Variants in RAB5C observed in about 807,000 individuals in gnomAD.
The protein encoded by RAB5C is ras-related protein Rab-5C.
RAB5C carries 4 observed loss-of-function variants against 25.2 expected under a neutral mutation model. That is an observed-to-expected ratio of 0.16 (90% confidence interval 0.08 to 0.36). The LOEUF (loss-of-function observed/expected upper bound fraction) is 0.36, where lower values mean the gene tolerates loss of function less well. Among genes scored for constraint, RAB5C ranks in the 10% least tolerant of loss-of-function variants. RAB5C has a pLI of 1.00. For synonymous variants in RAB5C, 100 were observed against 106.4 expected (o/e 0.94, Z 0.37); for missense variants, 199 against 283.8 (o/e 0.70, Z 2.15).
chr17:42,151,423 C>T (rs1191987314), intron 1 of RAB5C, among the ~76,000 whole-genome samples: 2 of 150,814 alleles, frequency 1.3e-5, no homozygotes, highest in African/African-American at 2.4e-5. Context: ...GGCGACAGAG[C>T]GAGACTCCGA....
chr17:42,152,547 G>A (rs1191367803), intron 1 of RAB5C, among the ~76,000 whole-genome samples: 1 of 152,160 alleles, frequency 6.6e-6, no homozygotes, highest in Non-Finnish European at 1.5e-5. Context: ...GGGAGGCTGA[G>A]GTGGGTGGAT....
At chr17:42,148,243 T>C (rs890030163) in intron 1 of RAB5C, among the ~76,000 whole-genome samples, 1 of 151,368 alleles carries the variant, frequency 6.6e-6, no homozygotes, top group African/African-American at 2.4e-5. Context: ...CCGTCTCTAC[T>C]AAAAATACAA....
intron 1 of RAB5C, among the ~76,000 whole-genome samples, chr17:42,144,381 C>T (rs2079619648): frequency 6.6e-6 from 1 of 151,960 alleles, no homozygotes; most frequent in Admixed American, 6.6e-5. Context: ...CGCTTGAACC[C>T]CGGAGGTGGA....
At chr17:42,126,978 G>GT (rs775552102) in intron 4 of RAB5C, 130 bp from the exon 5 acceptor site, 12 of 550,548 alleles carry the variant, frequency 2.2e-5, no homozygotes, top group African/African-American at 7.6e-5. Flanking sequence ...ACACACAGGA[G>GT]TTTTCAGGCC....
In RAB5C at chr17:42,154,975, C is replaced by T. The variant is rs1414007044; in HGVS notation, c.-171G>A. On this transcript the variant is annotated 5_prime_UTR_variant, in exon 1 of 6. Transcript: ENST00000346213. Reference sequence around the variant, plus strand: ...CTCCCCGCCGGCGGTGTCCCAGGCTCCGGCCTCCACTTCCGCCTTTCAGCC... The same window carrying T: ...CTCCCCGCCGGCGGTGTCCCAGGCTTCGGCCTCCACTTCCGCCTTTCAGCC... 1 of 152,266 alleles carries T rather than the reference C, an allele frequency of 6.6e-6. No homozygotes were observed. The highest frequency in any genetic ancestry group is 2.4e-5 in the African/African-American group (1 of 41,466). The allele number at this position is 152,266 out of a possible 1,614,324, so 9.4% of individuals were successfully genotyped here.
rs1424788398 is a variant in RAB5C at position 42,125,721 on chromosome 17, A to G, written c.*62T>C. The G allele has an allele frequency of 3.3e-6, 4 of 1,219,854 alleles. No individual in the cohort carries two copies. Among genetic ancestry groups the G allele is most frequent in the African/African-American group, 3.0e-5 (2 of 66,994 alleles). 75.6% of individuals were successfully genotyped at this position (1,219,854 alleles called of 1,614,324 possible). On this transcript the variant is annotated 3_prime_UTR_variant, in exon 6 of 6. Transcript: ENST00000346213. ...CGAGTCGTTAAGTGCGATTGGTTAGAGTGGATTCCAGTCGGGTCATTCAGG... is the reference window on the plus strand; with the variant it reads ...CGAGTCGTTAAGTGCGATTGGTTAGGGTGGATTCCAGTCGGGTCATTCAGG...
At chr17:42,148,752 G>A (rs771251769) in intron 1 of RAB5C, among the ~76,000 whole-genome samples, 6 of 152,218 alleles carry the variant, frequency 3.9e-5, no homozygotes, top group Admixed American at 1.3e-4. Context: ...TTCCAGGCAC[G>A]TGAGGTGCAG....
At chr17:42,140,530 T>A (rs1183942884) in intron 1 of RAB5C, among the ~76,000 whole-genome samples, 25 of 119,300 alleles carry the variant, frequency 2.1e-4, no homozygotes, top group African/African-American at 8.2e-4. Context: ...TTTTTTTTTT[T>A]TTTTTTTTTT....
intron 1 of RAB5C, among the ~76,000 whole-genome samples, chr17:42,143,893 C>G (rs1047409689): frequency 3.3e-5 from 5 of 151,954 alleles, no homozygotes; most frequent in Non-Finnish European, 7.4e-5. Context: ...TCAAACCATT[C>G]TCCTGCCTCA....
intron 1 of RAB5C, among the ~76,000 whole-genome samples, chr17:42,147,290 G>A (rs1176060373): frequency 1.3e-5 from 2 of 152,178 alleles, no homozygotes; most frequent in African/African-American, 4.8e-5. Context: ...TCATACCACT[G>A]GTCTGAACAG....
At position 42,128,663 on chromosome 17, in the gene RAB5C, C is replaced by A; in HGVS notation, c.304G>T (p.Asp102Tyr). 1 of 1,496,452 alleles carries A rather than the reference C, an allele frequency of 6.7e-7. No individual in the cohort carries two copies. 92.7% of individuals were successfully genotyped at this position (1,496,452 alleles called of 1,614,324 possible). A position where few individuals can be genotyped will look rare whatever the true frequency, so the allele number is the denominator to read the frequency against. The change falls in exon 3 of 6, where the codon GAC becomes TAC. Residue 102 changes from aspartate (D) to tyrosine (Y), a missense_variant. Physicochemically the swap from Asp to Tyr is radical, Grantham distance 160. Around this residue, in one of 3 missense-constraint regions of RAB5C, gnomAD observed 154 missense variants for 199.6 expected, o/e 0.77. Transcript: ENST00000346213. The part of the protein sequence containing the change: ...RGAQAAIVVY[D>Y]ITNTDTFARA... ...GAAATCTTTACTGTGTTGGTGATGT[C>A]ATAGACCACGATGGCAGCCTGGGCC...
chr17:42,125,780 G>C lies in RAB5C; in HGVS notation c.*3C>G. On this transcript the variant is annotated 3_prime_UTR_variant, in exon 6 of 6. Transcript: ENST00000346213. ...GCGGGGGCAGCGGGCAGGCAAGGGG[G>C]GCTCAGTTGCTGCAGCACTGGCTCC... is the stretch of plus-strand genomic sequence containing the variant. 1.3e-6 allele frequency: 2 copies of C among 1,595,332 alleles called. No individual in the cohort carries two copies. Among genetic ancestry groups the C allele is most frequent in the South Asian group, 2.3e-5 (2 of 88,544 alleles).
At position 42,154,934 on chromosome 17, in the gene RAB5C, G is replaced by A. The variant is rs2079697977; in HGVS notation, c.-130C>T. ...CGGCGTTACTTGGGGCCGGGGCTCG[G>A]ACGGGATCCGCTTCTCTCCCCGCCG... is the stretch of plus-strand genomic sequence containing the variant. On this transcript the variant is annotated 5_prime_UTR_variant, in exon 1 of 6. Coordinates refer to ENST00000346213, the MANE Select transcript of RAB5C (RefSeq NM_004583.4). 6.6e-6 allele frequency: 1 copy of A among 152,500 alleles called. No homozygotes were observed. Among genetic ancestry groups the A allele is most frequent in the Middle Eastern group, 3.4e-3 (1 of 294 alleles). 9.4% of individuals were successfully genotyped at this position (152,500 alleles called of 1,614,324 possible).
At chr17:42,151,400 G>GCACTCCAGCCTA (rs1217378184) in intron 1 of RAB5C, among the ~76,000 whole-genome samples, 10 of 151,620 alleles carry the variant, frequency 6.6e-5, no homozygotes, top group African/African-American at 1.9e-4. Flanking sequence ...TCGCACCACT[G>GCACTCCAGCCTA]CACTCCAGCC....
Position 42,130,535 on chromosome 17 carries a change from G to A in RAB5C, c.-33C>T, listed in dbSNP as rs2054474273. On this transcript the variant is annotated 5_prime_UTR_variant, in exon 2 of 6. Coordinates refer to ENST00000346213, the MANE Select transcript of RAB5C (RefSeq NM_004583.4). ...CCAGCTGTAGTGGTCCAGAGAGCGT[G>A]CGGGTGGGGACTGGTGCTATGCAAA... 1 of 1,612,608 alleles carries A rather than the reference G, an allele frequency of 6.2e-7. No individual in the cohort carries two copies. The highest frequency in any genetic ancestry group is 1.3e-5 in the African/African-American group (1 of 75,042).
chr17:42,148,139 A>C (rs1449484972), intron 1 of RAB5C, among the ~76,000 whole-genome samples: 1 of 151,836 alleles, frequency 6.6e-6, no homozygotes, highest in Non-Finnish European at 1.5e-5. Flanking sequence ...GGCTGGGCAC[A>C]GTGGCTCATG....
intron 1 of RAB5C, among the ~76,000 whole-genome samples, chr17:42,151,892 G>C (rs998527785): frequency 5.9e-5 from 9 of 152,076 alleles, no homozygotes; most frequent in African/African-American, 2.2e-4. Flanking sequence ...GTGATGAGGA[G>C]GGCTAAAGAG....
intron 1 of RAB5C, among the ~76,000 whole-genome samples, chr17:42,152,123 CA>C (rs758139522): frequency 0.012 from 1,623 of 139,608 alleles, 32 homozygotes; most frequent in African/African-American, 0.038. Flanking sequence ...TTATCTTACT[CA>C]AAAAAAAAAA....
At chr17:42,151,252 C>T (rs996901931) in intron 1 of RAB5C, among the ~76,000 whole-genome samples, 6 of 152,210 alleles carry the variant, frequency 3.9e-5, no homozygotes, top group East Asian at 3.9e-4. Context: ...CTGGCTAACA[C>T]GGCGGAACCC....
Sources: allele counts gnomAD v4.1 joint callset (sites outside exome capture counted in the v4.1 genomes callset), GRCh38; gene constraint gnomAD v4.1.1; regional missense constraint gnomAD v4.1.1; transcripts MANE v1.5; gene names NCBI Gene and HGNC (gene_info 2026-07-23, HGNC 2026-07-21).